COLGALT2: variants seen among roughly 807,000 people sequenced by gnomAD.
COLGALT2 encodes procollagen galactosyltransferase 2.
COLGALT2 carries 49 observed loss-of-function variants against 73.4 expected under a neutral mutation model. That is an observed-to-expected ratio of 0.67 (90% CI 0.53 to 0.85). The LOEUF (loss-of-function observed/expected upper bound fraction) is 0.85, where lower values mean the gene tolerates loss of function less well. Ranked by LOEUF, COLGALT2 falls within the 40% of genes least tolerant of loss-of-function variation. The pLI, the probability that COLGALT2 is intolerant of heterozygous loss-of-function variation, is 0.00. For synonymous variants in COLGALT2, 295 were observed against 307.6 expected (o/e 0.96, Z 0.43); for missense variants, 722 against 790.2 (o/e 0.91, Z 1.03).
chr1:184,028,388 G>C (rs1026425815), intron 1 of COLGALT2, among the ~76,000 whole-genome samples: 4 of 152,122 alleles, frequency 2.6e-5, no homozygotes, highest in Admixed American at 6.5e-5. Flanking sequence ...TCTCTCTTGT[G>C]AGAATGAGAT....
intron 1 of COLGALT2, among the ~76,000 whole-genome samples, chr1:184,021,231 T>C (rs1649173099): frequency 6.6e-6 from 1 of 152,138 alleles, no homozygotes; most frequent in South Asian, 2.1e-4. Context: ...TTAAAGGACT[T>C]GAAAAAACTC....
intron 1 of COLGALT2, among the ~76,000 whole-genome samples, chr1:183,993,207 C>T (rs1671676277): frequency 6.6e-6 from 1 of 152,192 alleles, no homozygotes; most frequent in African/African-American, 2.4e-5. Context: ...GAAAGTTTGA[C>T]TTTCATGTGG....
chr1:184,003,845 G>A (rs910079578), intron 1 of COLGALT2, among the ~76,000 whole-genome samples: 2 of 152,152 alleles, frequency 1.3e-5, no homozygotes, highest in Non-Finnish European at 2.9e-5. Context: ...AAGCAGGTCT[G>A]CCGGCTTCCA....
chr1:184,003,847 C>T (rs190843781), intron 1 of COLGALT2, among the ~76,000 whole-genome samples: 12 of 152,216 alleles, frequency 7.9e-5, no homozygotes, highest in Admixed American at 3.9e-4. Context: ...GCAGGTCTGC[C>T]GGCTTCCACT....
chr1:184,007,173 C>T (rs1019448830), intron 1 of COLGALT2, among the ~76,000 whole-genome samples: 1 of 152,194 alleles, frequency 6.6e-6, no homozygotes, highest in Admixed American at 6.5e-5. Context: ...GCTGCAACCC[C>T]AAGCTCATGA....
At chr1:184,028,384 T>C (rs1454219633) in intron 1 of COLGALT2, among the ~76,000 whole-genome samples, 1 of 152,200 alleles carries the variant, frequency 6.6e-6, no homozygotes, top group African/African-American at 2.4e-5. Context: ...TGTCTCTCTC[T>C]TGTGAGAATG....
chr1:183,962,313 C>A (rs924509552), intron 6 of COLGALT2, among the ~76,000 whole-genome samples: 2 of 151,808 alleles, frequency 1.3e-5, no homozygotes, highest in African/African-American at 2.4e-5. Context: ...ATGTGCACTA[C>A]CATGCCCAGC....
chr1:183,951,025 A>G lies in COLGALT2; in HGVS notation c.1118T>C (p.Val373Ala). 2 of 1,613,470 alleles carry G rather than the reference A, an allele frequency of 1.2e-6. No homozygotes were observed. The highest frequency in any genetic ancestry group is 4.5e-5 in the East Asian group (2 of 44,880). Residue 373 changes from valine (V) to alanine (A), a missense_variant, in exon 8 of 12, where the codon GTC becomes GCC. Coordinates refer to ENST00000361927, the MANE Select transcript of COLGALT2 (RefSeq NM_015101.4). ...LYEQEIEVKIVEAVDGKALNT... is the reference protein window; with the variant it reads ...LYEQEIEVKIAEAVDGKALNT... ...AACTCACTTTCCATCCACAGCCTCGACAATCTTGACCTCAATCTCCTGTTC... is the reference window on the plus strand; with the variant it reads ...AACTCACTTTCCATCCACAGCCTCGGCAATCTTGACCTCAATCTCCTGTTC...
At position 183,936,168 on chromosome 1, in the gene COLGALT2, T is replaced by C. The variant is rs1669947679; in HGVS notation, c.*2593A>G. ...GCAGAGAGCGGGTGCCAGGCCCAGATGCAAAGGCCTCTATACTGACGCCCT... is the reference window on the plus strand; with the variant it reads ...GCAGAGAGCGGGTGCCAGGCCCAGACGCAAAGGCCTCTATACTGACGCCCT... On this transcript the variant is annotated 3_prime_UTR_variant, in exon 12 of 12. Transcript: ENST00000361927. 2 of 985,592 alleles carry C rather than the reference T, an allele frequency of 2.0e-6. No individual in the cohort carries two copies. Among genetic ancestry groups the C allele is most frequent in the Non-Finnish European group, 2.4e-6 (2 of 830,080 alleles). 61.1% of individuals were successfully genotyped at this position (985,592 alleles called of 1,614,324 possible). A position where few individuals can be genotyped will look rare whatever the true frequency, so the allele number is the denominator to read the frequency against.
chr1:184,015,913 T>C (rs1017812211), intron 1 of COLGALT2, among the ~76,000 whole-genome samples: 4 of 152,250 alleles, frequency 2.6e-5, no homozygotes, highest in Non-Finnish European at 5.9e-5. Flanking sequence ...ATATTCTAAT[T>C]CACTGTAATT....
At chr1:184,024,316 T>C (rs1649263075) in intron 1 of COLGALT2, among the ~76,000 whole-genome samples, 1 of 152,250 alleles carries the variant, frequency 6.6e-6, no homozygotes, top group Non-Finnish European at 1.5e-5. Context: ...ATGCTCTGTA[T>C]GGAATGTTGC....
In COLGALT2 at chr1:184,005,342, G is replaced by A. The variant is rs1267339226; in HGVS notation, c.264-26822C>T. 3.3e-5 allele frequency among the ~76,000 whole-genome samples: 5 copies of A among 152,174 alleles called. No individual in the cohort carries two copies. The East Asian group carries it at 7.7e-4, about 23-fold the overall frequency. ...GCTCCCTGACCCCGTCACTTCATGTGAACTGGTTGTCTTAATCTCTCCTAG... is the reference window on the plus strand; with the variant it reads ...GCTCCCTGACCCCGTCACTTCATGTAAACTGGTTGTCTTAATCTCTCCTAG... On this transcript the variant is annotated intron_variant, in intron 1 of 11. Coordinates refer to ENST00000361927, the MANE Select transcript of COLGALT2 (RefSeq NM_015101.4).
intron 8 of COLGALT2, among the ~76,000 whole-genome samples, chr1:183,946,965 A>G (rs1040400923): frequency 5.3e-5 from 8 of 152,162 alleles, no homozygotes; most frequent in African/African-American, 1.9e-4. Flanking sequence ...TGGGAGCTGG[A>G]GCTTGCAGTG....
Position 183,945,427 on chromosome 1 carries a change from T to C in COLGALT2, c.1269+5A>G. ...AAACTGCAATCTGAATAAAGCATTA[T>C]TTACCTCTTTCCAGACTGAGTAGTG... On this transcript the variant is annotated splice_donor_5th_base_variant and intron_variant, in intron 9 of 11. Transcript: ENST00000361927. 1 of 1,613,692 alleles carries C rather than the reference T, an allele frequency of 6.2e-7. No homozygotes were observed. The highest frequency in any genetic ancestry group is 1.1e-5 in the South Asian group (1 of 91,002).
downstream of COLGALT2, among the ~76,000 whole-genome samples, chr1:183,932,780 A>C (rs1219105238): frequency 1.3e-5 from 2 of 152,036 alleles, no homozygotes; most frequent in Admixed American, 1.3e-4. Context: ...CCTGGGCCGG[A>C]GTGTCCCTCT....
At chr1:183,933,153 T>C (rs571517596), downstream of COLGALT2, among the ~76,000 whole-genome samples, 2 of 152,314 alleles carry the variant, frequency 1.3e-5, no homozygotes, top group East Asian at 3.9e-4. Context: ...CCACTTCCAT[T>C]TGAAGCCTCC....
At position 184,024,655 on chromosome 1, in the gene COLGALT2, CT is replaced by C. The variant is rs35844838; in HGVS notation, c.263+12439del. On this transcript the variant is annotated intron_variant, in intron 1 of 11. Coordinates refer to ENST00000361927, the MANE Select transcript of COLGALT2 (RefSeq NM_015101.4). ...CGTGAGCCACCACACCCAGCCTCAG[CT>C]TTTTTTTTTTTTTTTTTCTGAGCAG... is the stretch of plus-strand genomic sequence containing the variant. 9.0e-3 allele frequency among the ~76,000 whole-genome samples: 1,148 copies of C among 128,248 alleles called. 18 individuals are homozygous for C. The highest frequency in any genetic ancestry group is 0.029 in the African/African-American group (985 of 34,000). The allele number at this position is 128,248 out of a possible 152,430, so 84.1% of individuals were successfully genotyped here.
chr1:183,935,073 T>C (rs1669921024), downstream of COLGALT2, among the ~76,000 whole-genome samples: 2 of 152,206 alleles, frequency 1.3e-5, no homozygotes, highest in South Asian at 2.1e-4. Flanking sequence ...GGCCCTTTCA[T>C]AGTCCTGTCA....
At chr1:184,029,407 C>T (rs1427984718) in intron 1 of COLGALT2, among the ~76,000 whole-genome samples, 1 of 152,178 alleles carries the variant, frequency 6.6e-6, no homozygotes, top group Non-Finnish European at 1.5e-5. Flanking sequence ...CTTCAGCAGC[C>T]TGAGGTGGGA....
Sources: gnomAD v4.1 joint callset for allele counts (sites outside exome capture counted in the v4.1 genomes callset) on GRCh38, gnomAD v4.1.1 for gene constraint, MANE v1.5 for transcripts, NCBI Gene and HGNC (gene_info 2026-07-23, HGNC 2026-07-21) for gene names.